IRGM: variants seen among roughly 807,000 people sequenced by gnomAD.
The protein encoded by IRGM is immunity related GTPase M.
For synonymous variants in IRGM, 98 were observed against 80.6 expected (o/e 1.22, Z -1.16); for missense variants, 288 against 219.9 (o/e 1.31, Z -1.96).
At chr5:150,878,723 AATT>A (rs542453600) in intron 2 of IRGM, among the ~76,000 whole-genome samples, 64 of 151,914 alleles carry the variant, frequency 4.2e-4, no homozygotes, top group African/African-American at 1.4e-3. Flanking sequence ...AGGTCTATAT[AATT>A]ATTATTATTG....
chr5:150,886,084 T>A (rs1178633186), intron 3 of IRGM, among the ~76,000 whole-genome samples: 1 of 152,038 alleles, frequency 6.6e-6, no homozygotes, highest in Non-Finnish European at 1.5e-5. Context: ...TTCTTCAATA[T>A]CTATTTTATG....
intron 1 of IRGM, among the ~76,000 whole-genome samples, chr5:150,860,352 G>C (rs1438798887): frequency 3.3e-5 from 5 of 152,164 alleles, no homozygotes; most frequent in Non-Finnish European, 5.9e-5. Context: ...TATAAAAATA[G>C]TCTGTTAAAT....
At chr5:150,869,659 G>A (rs1249539526) in intron 1 of IRGM, among the ~76,000 whole-genome samples, 1 of 152,106 alleles carries the variant, frequency 6.6e-6, no homozygotes, top group African/African-American at 2.4e-5. Flanking sequence ...CTTGCTGCTT[G>A]TTATGGGTTT....
intron 1 of IRGM, among the ~76,000 whole-genome samples, chr5:150,870,067 T>G (rs1055531244): frequency 6.6e-6 from 1 of 152,070 alleles, no homozygotes; most frequent in Non-Finnish European, 1.5e-5. Flanking sequence ...AAAATAATGC[T>G]AATATCTGGG....
chr5:150,883,789 A>C (rs563920309), intron 3 of IRGM, among the ~76,000 whole-genome samples: 1 of 152,082 alleles, frequency 6.6e-6, no homozygotes, highest in African/African-American at 2.4e-5. Flanking sequence ...TGATGGCTTC[A>C]TTACTAAATT....
intron 1 of IRGM, among the ~76,000 whole-genome samples, chr5:150,864,105 G>A (rs776957473): frequency 6.6e-6 from 1 of 152,098 alleles, no homozygotes; most frequent in African/African-American, 2.4e-5. Context: ...CAGGCACAGA[G>A]CTGGAATCTA....
At chr5:150,887,101 A>C (rs1754537031) in intron 3 of IRGM, among the ~76,000 whole-genome samples, 1 of 152,006 alleles carries the variant, frequency 6.6e-6, no homozygotes, top group Non-Finnish European at 1.5e-5. Context: ...GAGCTGGCTG[A>C]AATGACAGAA....
chr5:150,900,306 T>C (rs1754948944), intron 3 of IRGM, among the ~76,000 whole-genome samples: 1 of 152,112 alleles, frequency 6.6e-6, no homozygotes, highest in Non-Finnish European at 1.5e-5. Context: ...CTCTCCATTT[T>C]AGTTTCAAAA....
rs148325754 is a variant in IRGM at position 150,889,668 on chromosome 5, T to A, written c.*140+10022T>A. Among the ~76,000 whole-genome samples, 1,062 of 152,140 alleles carry A rather than the reference T, an allele frequency of 7.0e-3. 16 individuals carry two copies. Among genetic ancestry groups the A allele is most frequent in the African/African-American group, 0.024 (1,014 of 41,530 alleles). ...GACATCCTTGCTTTGTTCTTTATTT[T>A]AAAAAAACACTCAGTCTTTCACTAT... On this transcript the variant is annotated intron_variant and NMD_transcript_variant, in intron 3 of 3. Coordinates refer to the IRGM transcript ENST00000520549.
chr5:150,857,508 A>C (rs1243388833), intron 1 of IRGM, among the ~76,000 whole-genome samples: 3 of 152,030 alleles, frequency 2.0e-5, no homozygotes, highest in Non-Finnish European at 4.4e-5. Context: ...CGCCACACTG[A>C]CTTCCACAAT....
At chr5:150,857,547 A>G (rs1402049168) in intron 1 of IRGM, among the ~76,000 whole-genome samples, 1 of 151,752 alleles carries the variant, frequency 6.6e-6, no homozygotes, top group Admixed American at 6.6e-5. Flanking sequence ...TCCCACCAAC[A>G]GTGTAAAAGT....
intron 3 of IRGM, chr5:150,897,578 A>C (rs1233382300): frequency 1.9e-5 from 3 of 159,010 alleles, no homozygotes; most frequent in African/African-American, 7.2e-5. Context: ...GGTTTTGTTC[A>C]TATACTCTCT....
intron 3 of IRGM, among the ~76,000 whole-genome samples, chr5:150,898,878 G>A (rs1037839913): frequency 6.6e-6 from 1 of 151,962 alleles, no homozygotes; most frequent in African/African-American, 2.4e-5. Flanking sequence ...ATTATGGGTT[G>A]AGTTGTATCT....
chr5:150,879,771 G>A (rs920222208), intron 3 of IRGM: 1 of 152,228 alleles, frequency 6.6e-6, no homozygotes, highest in African/African-American at 2.4e-5. Context: ...GGTAGGCCAA[G>A]GCATGAGATT....
At chr5:150,863,356 T>G (rs935813261) in intron 1 of IRGM, among the ~76,000 whole-genome samples, 4 of 152,210 alleles carry the variant, frequency 2.6e-5, no homozygotes, top group Non-Finnish European at 5.9e-5. Context: ...CTTGTTTTAA[T>G]GAATAACAGT....
At chr5:150,850,172 TTTCA>T (rs1215225947), downstream of IRGM, among the ~76,000 whole-genome samples, 3 of 152,208 alleles carry the variant, frequency 2.0e-5, no homozygotes, top group Non-Finnish European at 4.4e-5. Flanking sequence ...TTTTCCTTTC[TTTCA>T]TTCATTTTTT....
At chr5:150,855,616 C>A (rs1754038195) in intron 1 of IRGM, among the ~76,000 whole-genome samples, 1 of 152,190 alleles carries the variant, frequency 6.6e-6, no homozygotes, top group Non-Finnish European at 1.5e-5. Flanking sequence ...GATTTTCCAA[C>A]ATGGTAGATT....
intron 1 of IRGM, among the ~76,000 whole-genome samples, chr5:150,869,756 G>A (rs935984321): frequency 6.6e-6 from 1 of 152,020 alleles, no homozygotes; most frequent in Admixed American, 6.6e-5. Flanking sequence ...AGCTCATGAG[G>A]CACCCACTTA....
intron 1 of IRGM, among the ~76,000 whole-genome samples, chr5:150,864,441 T>C (rs1420691328): frequency 6.6e-6 from 1 of 152,164 alleles, no homozygotes; most frequent in African/African-American, 2.4e-5. Context: ...GGATTTCACA[T>C]TGCTCCTCTC....
Sources: gnomAD v4.1 joint callset for allele counts (sites outside exome capture counted in the v4.1 genomes callset) on GRCh38, gnomAD v4.1.1 for gene constraint, MANE v1.5 for transcripts, NCBI Gene and HGNC (gene_info 2026-07-23, HGNC 2026-07-21) for gene names.